The following CELF4 variants were observed in gnomAD, a reference collection of about 807,000 sequenced individuals.
The protein encoded by CELF4 is CUGBP Elav-like family member 4, also known as CUG-BP- and ETR-3-like factor 4.
In CELF4, 18 loss-of-function variants were observed where a neutral mutation model predicts 59.9. The ratio of observed to expected loss-of-function variants is 0.30; its 90% CI spans 0.21 to 0.45. The LOEUF (loss-of-function observed/expected upper bound fraction) is 0.45, where lower values mean the gene tolerates loss of function less well. CELF4 is among the 20% of genes least tolerant of loss of function. The pLI is 1.00. For synonymous variants in CELF4, 261 were observed against 267.1 expected, an observed-to-expected ratio of 0.98 and a Z score of 0.22; for missense variants, 456 against 689.0, an observed-to-expected ratio of 0.66 and a Z score of 3.79.
chr18:37,480,653 C>T (rs535185643), intron 2 of CELF4, among the ~76,000 whole-genome samples: 33 of 152,178 alleles, frequency 2.2e-4, no homozygotes, highest in East Asian at 9.7e-4. Flanking sequence ...GGGAAGCCCC[C>T]GTATGGTGAT....
intron 2 of CELF4, among the ~76,000 whole-genome samples, chr18:37,471,171 C>G (rs2099826375): frequency 6.6e-6 from 1 of 152,062 alleles, no homozygotes; most frequent in South Asian, 2.1e-4. Context: ...AAGTGAGTAG[C>G]TCCTGCCAGC....
intron 1 of CELF4, among the ~76,000 whole-genome samples, chr18:37,533,606 G>T (rs2099971199): frequency 6.6e-6 from 1 of 152,194 alleles, no homozygotes; most frequent in African/African-American, 2.4e-5. Context: ...TCCCTTATAA[G>T]GCTCTTCTGG....
At chr18:37,441,284 T>TGTGC (rs1392322719) in intron 2 of CELF4, among the ~76,000 whole-genome samples, 1 of 151,374 alleles carries the variant, frequency 6.6e-6, no homozygotes, top group Non-Finnish European at 1.5e-5. Flanking sequence ...TGTGTGTGTG[T>TGTGC]GTGTGTGTGT....
intron 2 of CELF4, among the ~76,000 whole-genome samples, chr18:37,462,706 A>C (rs2099797064): frequency 6.6e-6 from 1 of 152,154 alleles, no homozygotes; most frequent in African/African-American, 2.4e-5. Context: ...GGCAGTGTGC[A>C]TGATAGATAG....
intron 3 of CELF4, chr18:37,275,570 G>A (rs1407622008): frequency 3.1e-5 from 11 of 352,146 alleles, no homozygotes; most frequent in South Asian, 3.0e-4. Flanking sequence ...CAGAGACCCT[G>A]GGCTGACCCC....
intron 1 of CELF4, among the ~76,000 whole-genome samples, chr18:37,554,788 C>G (rs950785946): frequency 7.2e-5 from 11 of 152,110 alleles, no homozygotes; most frequent in African/African-American, 2.7e-4. Flanking sequence ...CTATGGCTGC[C>G]AAGAAGGGCC....
intron 2 of CELF4, among the ~76,000 whole-genome samples, chr18:37,377,389 A>G (rs2098983401): frequency 6.6e-6 from 1 of 152,224 alleles, no homozygotes; most frequent in South Asian, 2.1e-4. Context: ...ACAAGAAAAA[A>G]GAAACAGAAG....
chr18:37,325,470 C>T (rs2097275426), intron 2 of CELF4, among the ~76,000 whole-genome samples: 1 of 152,210 alleles, frequency 6.6e-6, no homozygotes, highest in African/African-American at 2.4e-5. Context: ...GAGGCTTCCA[C>T]CCTAGATGCC....
chr18:37,515,783 T>C (rs1258482165), intron 1 of CELF4, among the ~76,000 whole-genome samples: 1 of 151,852 alleles, frequency 6.6e-6, no homozygotes, highest in African/African-American at 2.4e-5. Flanking sequence ...GAAGAGCCAG[T>C]AAGTGCTGAC....
At chr18:37,392,670 T>A (rs893148266) in intron 2 of CELF4, among the ~76,000 whole-genome samples, 2 of 152,212 alleles carry the variant, frequency 1.3e-5, no homozygotes, top group Admixed American at 6.5e-5. Flanking sequence ...CCCCAAAGCA[T>A]TGGACCCAAA....
intron 1 of CELF4, among the ~76,000 whole-genome samples, chr18:37,555,771 T>A (rs925022659): frequency 6.6e-6 from 1 of 152,178 alleles, no homozygotes; most frequent in Non-Finnish European, 1.5e-5. Flanking sequence ...GCACATACAA[T>A]CTTAGGTATA....
At chr18:37,435,140 C>T (rs556002533) in intron 2 of CELF4, among the ~76,000 whole-genome samples, 5 of 152,236 alleles carry the variant, frequency 3.3e-5, no homozygotes, top group Admixed American at 6.5e-5. Context: ...TGCCACATCC[C>T]ACTTCCTAGG....
At chr18:37,413,613 A>ATTCCATGG (rs2099495310) in intron 2 of CELF4, among the ~76,000 whole-genome samples, 1 of 152,128 alleles carries the variant, frequency 6.6e-6, no homozygotes, top group Non-Finnish European at 1.5e-5. Flanking sequence ...GACCCCATGG[A>ATTCCATGG]CCAGTTATGG....
At chr18:37,429,437 G>A (rs112943254) in intron 2 of CELF4, among the ~76,000 whole-genome samples, 2 of 152,288 alleles carry the variant, frequency 1.3e-5, no homozygotes, top group African/African-American at 4.8e-5. Context: ...GTCTCATTGT[G>A]TGTGCATGTC....
At chr18:37,419,790 CAA>C (rs528029484) in intron 2 of CELF4, among the ~76,000 whole-genome samples, 12 of 152,264 alleles carry the variant, frequency 7.9e-5, no homozygotes, top group African/African-American at 2.4e-4. Flanking sequence ...TTTTTAAGGA[CAA>C]AGAGAGAACC....
At chr18:37,294,044 AC>A (rs1472326590) in intron 3 of CELF4, among the ~76,000 whole-genome samples, 5 of 151,544 alleles carry the variant, frequency 3.3e-5, no homozygotes, top group Non-Finnish European at 5.9e-5. Context: ...ATCTTCCAAT[AC>A]CCCCCATCCC....
chr18:37,462,904 C>A (rs566886019), intron 2 of CELF4, among the ~76,000 whole-genome samples: 43 of 151,918 alleles, frequency 2.8e-4, no homozygotes, highest in Non-Finnish European at 4.9e-4. Flanking sequence ...CCCAGGGAAG[C>A]CAAAAGATTG....
At chr18:37,463,732 C>T (rs2099800045) in intron 2 of CELF4, among the ~76,000 whole-genome samples, 1 of 152,162 alleles carries the variant, frequency 6.6e-6, no homozygotes, top group Non-Finnish European at 1.5e-5. Flanking sequence ...CCTCTCCAGC[C>T]CCAACCTTGC....
intron 2 of CELF4, among the ~76,000 whole-genome samples, chr18:37,440,535 A>G (rs1217393706): frequency 6.6e-6 from 1 of 152,204 alleles, no homozygotes; most frequent in African/African-American, 2.4e-5. Context: ...AGCTCCAAAA[A>G]TACAGCCACA....
Sources: allele counts gnomAD v4.1 joint callset (sites outside exome capture counted in the v4.1 genomes callset), GRCh38; gene constraint gnomAD v4.1.1; transcripts MANE v1.5; gene names NCBI Gene and HGNC (gene_info 2026-07-23, HGNC 2026-07-21).